SETD7: variants seen among roughly 807,000 people sequenced by gnomAD.
SETD7 encodes SET domain containing 7, histone lysine methyltransferase, also known as histone-lysine N-methyltransferase SETD7.
A neutral mutation model predicts 41.8 loss-of-function variants in SETD7; 16 were observed. That is an observed-to-expected ratio of 0.38 (90% confidence interval 0.26 to 0.58). The LOEUF is 0.58. Ranked by LOEUF, SETD7 falls within the 20% of genes least tolerant of loss-of-function variation. SETD7 has a pLI of 0.64. For synonymous variants in SETD7, 163 were observed against 169.7 expected, an observed-to-expected ratio of 0.96 and a Z score of 0.31; for missense variants, 346 against 459.7, an observed-to-expected ratio of 0.75 and a Z score of 2.26.
intron 7 of SETD7, among the ~76,000 whole-genome samples, chr4:139,516,083 G>C (rs1351966887): frequency 6.6e-6 from 1 of 152,168 alleles, no homozygotes; most frequent in Non-Finnish European, 1.5e-5. Context: ...CCATGTAAAA[G>C]AGAGTCTGAC....
At chr4:139,501,674 TGCCTAGAAA>T (rs1726579896), downstream of SETD7, among the ~76,000 whole-genome samples, 1 of 152,150 alleles carries the variant, frequency 6.6e-6, no homozygotes, top group Non-Finnish European at 1.5e-5. Context: ...CCACATCACA[TGCCTAGAAA>T]GTGCTTTGTG....
chr4:139,540,954 C>T (rs900597691), intron 2 of SETD7, among the ~76,000 whole-genome samples: 2 of 152,184 alleles, frequency 1.3e-5, no homozygotes, highest in Admixed American at 6.5e-5. Context: ...GAATGCCATC[C>T]TTTCTCAGTG....
chr4:139,550,190 C>T (rs1353110699), intron 1 of SETD7, among the ~76,000 whole-genome samples: 1 of 152,176 alleles, frequency 6.6e-6, no homozygotes, highest in East Asian at 1.9e-4. Flanking sequence ...TGCCTTTCAA[C>T]AGGCAAATGA....
rs1378198066 is a variant in SETD7, at chr4:139,533,183, C to T, written c.354G>A (p.Val118=). 2.5e-6 allele frequency: 4 copies of T among 1,613,930 alleles called. No homozygotes were observed. The highest frequency in any genetic ancestry group is 4.5e-5 in the East Asian group (2 of 44,900). ...GGCTTACTGGGTAATATATCCAGCA[C>T]ACTCCATGACGAATGTTATCTTTAT... The part of the protein sequence containing the change: ...GQYKDNIRHG[V]CWIYYPDGGS... Residue 118 remains valine, a synonymous_variant, in exon 3 of 8, where the codon GTG becomes GTA. Transcript: ENST00000274031.
At chr4:139,521,542 C>CT (rs1727181383) in intron 5 of SETD7, among the ~76,000 whole-genome samples, 2 of 152,174 alleles carry the variant, frequency 1.3e-5, no homozygotes, top group South Asian at 4.1e-4. Context: ...GGCTCTTATG[C>CT]TTATTCATGA....
downstream of SETD7, among the ~76,000 whole-genome samples, chr4:139,503,257 C>CAGTT (rs1187942139): frequency 1.3e-4 from 19 of 149,674 alleles, no homozygotes; most frequent in Non-Finnish European, 2.4e-4. Context: ...TCAAAGAGAT[C>CAGTT]AGTTGATTGG....
chr4:139,540,738 G>T (rs927721126), intron 2 of SETD7, among the ~76,000 whole-genome samples: 1 of 152,190 alleles, frequency 6.6e-6, no homozygotes, highest in Non-Finnish European at 1.5e-5. Flanking sequence ...AGAACTGTTT[G>T]TTGGAATACA....
At chr4:139,500,171 C>T (rs950610979) in intron 7 of SETD7, among the ~76,000 whole-genome samples, 8 of 152,170 alleles carry the variant, frequency 5.3e-5, no homozygotes, top group Non-Finnish European at 8.8e-5. Context: ...CTGTTGGCCT[C>T]ACCATTCCTG....
chr4:139,497,458 C>CA (rs1051059357), intron 7 of SETD7, among the ~76,000 whole-genome samples: 25 of 148,456 alleles, frequency 1.7e-4, no homozygotes, highest in East Asian at 1.2e-3. Flanking sequence ...AACTCCGTCT[C>CA]AAAAAAAATA....
chr4:139,517,487 AAAAAAAAAAAAAAAAG>A (rs1378678226), intron 7 of SETD7, among the ~76,000 whole-genome samples: 1 of 12,666 alleles, frequency 7.9e-5, no homozygotes, highest in African/African-American at 1.1e-4. Context: ...AAAAAAAAAA[AAAAAAAAAAAAAAAAG>A]GGCTCCTTCA....
chr4:139,550,527 T>C (rs1255310105), intron 1 of SETD7, among the ~76,000 whole-genome samples: 2 of 152,204 alleles, frequency 1.3e-5, no homozygotes, highest in Admixed American at 1.3e-4. Context: ...TTCCTAGCAG[T>C]AGAACTTTAT....
intron 1 of SETD7, 73 bp from the exon 2 acceptor site, chr4:139,547,122 ATGC>A: frequency 6.4e-7 from 1 of 1,570,294 alleles, no homozygotes; most frequent in South Asian, 1.2e-5. Context: ...AAGCATTCAG[ATGC>A]TGCCAGACAA....
intron 3 of SETD7, 146 bp from the exon 4 acceptor site, chr4:139,529,366 G>T: frequency 1.7e-6 from 1 of 579,966 alleles, no homozygotes; most frequent in Non-Finnish European, 2.9e-6. Context: ...TTTTCACCTG[G>T]GTAAGAAAAA....
At position 139,506,452 on chromosome 4, in the gene SETD7, T is replaced by C. The variant is rs919164154; in HGVS notation, c.*5211A>G. The C allele has an allele frequency of 2.0e-5, 3 of 152,592 alleles. No homozygotes were observed. The highest frequency in any genetic ancestry group is 1.9e-4 in the East Asian group (1 of 5,194). The allele number at this position is 152,592 out of a possible 1,614,324, so 9.5% of individuals were successfully genotyped here. On this transcript the variant is annotated 3_prime_UTR_variant, in exon 8 of 8. Coordinates refer to ENST00000274031, the MANE Select transcript of SETD7 (RefSeq NM_030648.4). ...TGTATTTCAGGATAAAGAGAGAACATAGAACACCCAGGAGGAAACTTTTGA... is the reference window on the plus strand; with the variant it reads ...TGTATTTCAGGATAAAGAGAGAACACAGAACACCCAGGAGGAAACTTTTGA...
chr4:139,517,475 CAAAAAAAAAAAAAAAAA>C (rs56132171), intron 7 of SETD7, among the ~76,000 whole-genome samples: 1 of 134,024 alleles, frequency 7.5e-6, no homozygotes, highest in Admixed American at 7.1e-5. Context: ...AAATCCATCT[CAAAAAAAAAAAAAAAAA>C]AAAAAAAAAA....
At chr4:139,502,311 T>G (rs776812077), downstream of SETD7, among the ~76,000 whole-genome samples, 1 of 152,116 alleles carries the variant, frequency 6.6e-6, no homozygotes, top group Admixed American at 6.5e-5. Context: ...TGCTAGAAGG[T>G]AATGAGAAGC....
intron 3 of SETD7, among the ~76,000 whole-genome samples, chr4:139,532,406 T>C (rs1349626658): frequency 6.6e-6 from 1 of 152,034 alleles, no homozygotes. Context: ...GCCACTGCAC[T>C]CCAGCCTGGG....
rs947660980 is a variant in SETD7, at chr4:139,555,185, A to AC, written c.40+912_40+913insG. On this transcript the variant is annotated intron_variant, in intron 1 of 7. Coordinates refer to ENST00000274031, the MANE Select transcript of SETD7 (RefSeq NM_030648.4). The surrounding 1 kb of genome is among the most constrained non-coding windows in gnomAD (Gnocchi z 4.0). ...CACATCGTTTTTTCAGAACTAACAAAAAAAAAAAAAAAAAGGTGGAGAAAC... is the reference window on the plus strand; with the variant it reads ...CACATCGTTTTTTCAGAACTAACAAACAAAAAAAAAAAAAAGGTGGAGAAAC... Among the ~76,000 whole-genome samples, 1 of 125,636 alleles carries AC rather than the reference A, an allele frequency of 8.0e-6. No homozygotes were observed. Among genetic ancestry groups the AC allele is most frequent in the African/African-American group, 2.8e-5 (1 of 35,524 alleles). 82.4% of individuals were successfully genotyped at this position (125,636 alleles called of 152,430 possible).
rs1726880406 is a variant in SETD7 at position 139,511,658 on chromosome 4, G to T, written c.*5C>A. ...CCAGGTCTCTGAACCCCAAAGCCAGGCCTTTCACTTTTGCTGGGTGGCCTG... is the reference window on the plus strand; with the variant it reads ...CCAGGTCTCTGAACCCCAAAGCCAGTCCTTTCACTTTTGCTGGGTGGCCTG... On this transcript the variant is annotated 3_prime_UTR_variant, in exon 8 of 8. Coordinates refer to ENST00000274031, the MANE Select transcript of SETD7 (RefSeq NM_030648.4). 2 of 1,613,522 alleles carry T rather than the reference G, an allele frequency of 1.2e-6. No individual in the cohort carries two copies. Among genetic ancestry groups the T allele is most frequent in the Non-Finnish European group, 1.7e-6 (2 of 1,179,884 alleles).
Sources: allele counts gnomAD v4.1 joint callset (sites outside exome capture counted in the v4.1 genomes callset), GRCh38; gene constraint gnomAD v4.1.1; non-coding constraint Gnocchi (gnomAD v3.1); transcripts MANE v1.5; gene names NCBI Gene and HGNC (gene_info 2026-07-23, HGNC 2026-07-21).